CSMD3: variants seen among roughly 807,000 people sequenced by gnomAD.
The protein encoded by CSMD3 is CUB and Sushi multiple domains 3.
In CSMD3, 177 loss-of-function variants were observed where a neutral mutation model predicts 435.2. The ratio of observed to expected loss-of-function variants is 0.41; its 90% CI spans 0.36 to 0.46. The LOEUF (loss-of-function observed/expected upper bound fraction) is 0.46, where lower values mean the gene tolerates loss of function less well. Ranked by LOEUF, CSMD3 falls within the 20% of genes least tolerant of loss-of-function variation. The pLI is 0.34. For synonymous variants in CSMD3, 1,656 were observed against 1,520.5 expected, an observed-to-expected ratio of 1.09 and a Z score of -2.07; for missense variants, 4,265 against 4,504.6, an observed-to-expected ratio of 0.95 and a Z score of 1.52.
chr8:112,887,822 T>C (rs1432942274), intron 10 of CSMD3, among the ~76,000 whole-genome samples: 2 of 151,632 alleles, frequency 1.3e-5, no homozygotes, highest in African/African-American at 4.8e-5. Context: ...CAAAAGATGG[T>C]ACTAATAAAA....
chr8:112,369,569 G>T lies in CSMD3; in HGVS notation c.6136+10783C>A, dbSNP rs182516557. ...GAGTTCATGTCATTTGCAGGGACAT[G>T]GATGAAGCTGGAAACCATCATCCTC... On this transcript the variant is annotated intron_variant, in intron 38 of 70. Transcript: ENST00000297405. Among the ~76,000 whole-genome samples the T allele has an allele frequency of 5.0e-3, 768 of 152,194 alleles. 2 individuals are homozygous for T. The highest frequency in any genetic ancestry group is 0.034 in the Middle Eastern group (10 of 294).
intron 5 of CSMD3, among the ~76,000 whole-genome samples, chr8:113,076,242 T>C (rs2089331324): frequency 6.6e-6 from 1 of 151,532 alleles, no homozygotes. Context: ...GATTAAGAAT[T>C]TGCATAGACA....
intron 3 of CSMD3, among the ~76,000 whole-genome samples, chr8:113,210,721 T>C (rs762075664): frequency 6.6e-5 from 10 of 151,522 alleles, no homozygotes; most frequent in Admixed American, 1.3e-4. Flanking sequence ...CTACTGAAAA[T>C]ACAAAATTAG....
chr8:113,226,338 C>A (rs1231611188), intron 3 of CSMD3, among the ~76,000 whole-genome samples: 2 of 151,482 alleles, frequency 1.3e-5, no homozygotes, highest in Non-Finnish European at 3.0e-5. Flanking sequence ...TTAAAATCTG[C>A]TATGACTAAT....
intron 2 of CSMD3, among the ~76,000 whole-genome samples, chr8:113,302,228 A>C (rs1056836700): frequency 3.7e-4 from 7 of 18,734 alleles, no homozygotes; most frequent in African/African-American, 7.8e-4. Context: ...ATATAATATA[A>C]TATAATATAT....
In CSMD3 at chr8:112,594,417, G is replaced by A. The variant is rs1430565904; in HGVS notation, c.3716-7182C>T. Among the ~76,000 whole-genome samples, 3 of 152,218 alleles carry A rather than the reference G, an allele frequency of 2.0e-5. No homozygotes were observed. In the East Asian group the frequency reaches 5.8e-4, roughly 29 times the overall value. ...TAGCACAGCAGTCTGAGATCAAACTGCAAGGCGGCAGCCAGGCTGGGGGAG... is the reference window on the plus strand; with the variant it reads ...TAGCACAGCAGTCTGAGATCAAACTACAAGGCGGCAGCCAGGCTGGGGGAG... On this transcript the variant is annotated intron_variant, in intron 22 of 70. Transcript: ENST00000297405.
intron 10 of CSMD3, among the ~76,000 whole-genome samples, chr8:112,896,923 A>G (rs1335005734): frequency 6.6e-6 from 1 of 151,366 alleles, no homozygotes; most frequent in Admixed American, 6.6e-5. Context: ...TCTACAGGCT[A>G]TTCCAAAGAA....
intron 2 of CSMD3, among the ~76,000 whole-genome samples, chr8:113,307,826 T>C (rs2093833470): frequency 6.6e-6 from 1 of 152,174 alleles, no homozygotes; most frequent in Non-Finnish European, 1.5e-5. Flanking sequence ...CAACCTCAAA[T>C]GTCAACAAAG....
At position 113,378,438 on chromosome 8, in the gene CSMD3, A is replaced by G. The variant is rs140962476; in HGVS notation, c.178+58239T>C. Among the ~76,000 whole-genome samples the G allele has an allele frequency of 3.3e-5, 5 of 150,518 alleles. No individual in the cohort carries two copies. The East Asian group carries it at 9.6e-4, about 29-fold the overall frequency. On this transcript the variant is annotated intron_variant, in intron 1 of 70. Coordinates refer to ENST00000297405, the MANE Select transcript of CSMD3 (RefSeq NM_198123.2). ...TAAATATTATATAAGTAAACATTTT[A>G]ATTATATATTGTGGTAAGTTATATA...
intron 24 of CSMD3, among the ~76,000 whole-genome samples, chr8:112,568,842 AT>A (rs1271275464): frequency 6.6e-6 from 1 of 152,006 alleles, no homozygotes; most frequent in Non-Finnish European, 1.5e-5. Context: ...CTTTAACCTA[AT>A]TTTTTTAATA....
chr8:113,193,013 A>G (rs977077164), intron 3 of CSMD3, among the ~76,000 whole-genome samples: 3 of 151,678 alleles, frequency 2.0e-5, no homozygotes, highest in Non-Finnish European at 1.5e-5. Flanking sequence ...GAGACCCATT[A>G]TAACAGCATT....
intron 5 of CSMD3, among the ~76,000 whole-genome samples, chr8:113,097,971 T>G (rs1397795811): frequency 6.6e-6 from 1 of 152,026 alleles, no homozygotes; most frequent in Non-Finnish European, 1.5e-5. Context: ...GATCTTTTCT[T>G]GGAATACTGC....
intron 12 of CSMD3, among the ~76,000 whole-genome samples, chr8:112,807,991 G>A (rs1184398363): frequency 2.0e-5 from 3 of 151,972 alleles, no homozygotes; most frequent in African/African-American, 7.2e-5. Flanking sequence ...GTAAAATGGG[G>A]ACTTTAAAGA....
chr8:112,501,967 T>G (rs549512177), intron 30 of CSMD3, among the ~76,000 whole-genome samples: 2 of 152,136 alleles, frequency 1.3e-5, no homozygotes, highest in South Asian at 4.2e-4. Flanking sequence ...AATACAAAAT[T>G]TGTATGAAAA....
At chr8:112,408,571 G>A (rs772559669) in intron 33 of CSMD3, among the ~76,000 whole-genome samples, 158 bp from the exon 34 acceptor site, 2 of 151,782 alleles carry the variant, frequency 1.3e-5, no homozygotes, top group African/African-American at 4.8e-5. Flanking sequence ...TTTCCTTTGG[G>A]TTCAACTTGT....
At chr8:112,379,429 A>T (rs1829263992) in intron 38 of CSMD3, among the ~76,000 whole-genome samples, 2 of 152,182 alleles carry the variant, frequency 1.3e-5, no homozygotes, top group Non-Finnish European at 2.9e-5. Flanking sequence ...AGATCATGCC[A>T]TTCCATTCTA....
chr8:113,084,182 T>C (rs1355052808), intron 5 of CSMD3, among the ~76,000 whole-genome samples: 1 of 152,140 alleles, frequency 6.6e-6, no homozygotes, highest in Non-Finnish European at 1.5e-5. Context: ...TGTTTGCAGA[T>C]GTCATGATCT....
At chr8:112,533,542 G>T (rs1289320678) in intron 27 of CSMD3, among the ~76,000 whole-genome samples, 1 of 151,984 alleles carries the variant, frequency 6.6e-6, no homozygotes, top group African/African-American at 2.4e-5. Flanking sequence ...TAATAATGAA[G>T]GGGTCCATTT....
At chr8:113,257,061 A>T (rs1356422443) in intron 3 of CSMD3, among the ~76,000 whole-genome samples, 1 of 152,168 alleles carries the variant, frequency 6.6e-6, no homozygotes, top group Non-Finnish European at 1.5e-5. Flanking sequence ...GCCTCTATCT[A>T]CTACCATGGG....
Sources: gnomAD v4.1 joint callset for allele counts (sites outside exome capture counted in the v4.1 genomes callset) on GRCh38, gnomAD v4.1.1 for gene constraint, MANE v1.5 for transcripts, NCBI Gene and HGNC (gene_info 2026-07-23, HGNC 2026-07-21) for gene names.